The following SETD4 variants were observed in gnomAD, a reference collection of about 807,000 sequenced individuals.
SETD4 encodes SET domain containing 4.
In SETD4, 46 loss-of-function variants were observed where a neutral mutation model predicts 58.3. That is an observed-to-expected ratio of 0.79 (90% CI 0.62 to 1.01). The LOEUF is 1.01. SETD4 is among the 50% of genes least tolerant of loss of function. The pLI, the probability that SETD4 is intolerant of heterozygous loss-of-function variation, is 0.00. For synonymous variants in SETD4, 190 were observed against 202.6 expected (o/e 0.94, Z 0.53); for missense variants, 490 against 523.3 (o/e 0.94, Z 0.62).
chr21:36,051,194 T>A (rs766605936), intron 4 of SETD4: 2 of 1,603,704 alleles, frequency 1.2e-6, no homozygotes, highest in Admixed American at 3.3e-5. Flanking sequence ...CCACTGCCAG[T>A]GAGACTAGTG....
rs1477501415 is a variant in SETD4 at position 36,045,766 on chromosome 21, T to C, written c.542A>G (p.Gln181Arg). The part of the protein sequence containing the change: ...ASSRDFFSSL[Q>R]PLFAEAVDSI... ...GTCAACAGCCTCCGCAAACAGAGGC[T>C]GCAGAGAAGAGAAAAAGTCTCTGGA... The change falls in exon 6 of 12, where the codon CAG becomes CGG. Residue 181 changes from glutamine (Q) to arginine (R), a missense_variant. Coordinates refer to ENST00000332131, the MANE Select transcript of SETD4 (RefSeq NM_017438.5). The C allele has an allele frequency of 6.2e-7, 1 of 1,614,192 alleles. No homozygotes were observed.
Position 36,035,801 on chromosome 21 carries a change from T to G in SETD4, c.*192A>C. ...TCTCTCCTCACAGTTCAGCACTTTA[T>G]TCGGAAGAGCATTAGACCTGCCATC... is the stretch of plus-strand genomic sequence containing the variant. On this transcript the variant is annotated 3_prime_UTR_variant, in exon 12 of 12. Transcript: ENST00000332131. 1 of 357,186 alleles carries G rather than the reference T, an allele frequency of 2.8e-6. No homozygotes were observed. The highest frequency in any genetic ancestry group is 5.2e-6 in the Non-Finnish European group (1 of 192,814). 22.1% of individuals were successfully genotyped at this position (357,186 alleles called of 1,614,324 possible). A position where few individuals can be genotyped will look rare whatever the true frequency, so the allele number is the denominator to read the frequency against.
At chr21:36,057,254 G>T in intron 2 of SETD4, 50 bp from the exon 3 acceptor site, 1 of 1,330,672 alleles carries the variant, frequency 7.5e-7, no homozygotes, top group Admixed American at 1.7e-5. Flanking sequence ...TATATAATCG[G>T]ATTACCATTT....
In SETD4 at chr21:36,045,798, AAAG is replaced by A; in HGVS notation, c.507_509del (p.Phe170del). On this transcript the variant is annotated inframe_deletion, in exon 6 of 12. Transcript: ENST00000332131. ...AAGAGAAAAAGTCTCTGGAGGAAGCAAAGAACTCCTGCACGTGGGCTCTCTGCT... is the reference window on the plus strand; with the variant it reads ...AAGAGAAAAAGTCTCTGGAGGAAGCAAACTCCTGCACGTGGGCTCTCTGCT... The A allele has an allele frequency of 6.2e-7, 1 of 1,614,226 alleles. No individual in the cohort carries two copies. Among genetic ancestry groups the A allele is most frequent in the Non-Finnish European group, 8.5e-7 (1 of 1,180,044 alleles).
chr21:36,054,576 T>C (rs1008251131), intron 3 of SETD4, among the ~76,000 whole-genome samples: 2 of 152,216 alleles, frequency 1.3e-5, no homozygotes, highest in African/African-American at 4.8e-5. Context: ...AACTTGGATT[T>C]GATGCTCCCG....
rs188682205 is a variant in SETD4 at position 36,050,070 on chromosome 21, G to C, written c.208-1674C>G. On this transcript the variant is annotated intron_variant, in intron 4 of 11. Coordinates refer to ENST00000332131, the MANE Select transcript of SETD4 (RefSeq NM_017438.5). Reference sequence around the variant, plus strand: ...GTGGGCTGCTTCCACCTGCTAGGAGGGTGGTGCACTCTAACTCGGGGACAG... The same window carrying C: ...GTGGGCTGCTTCCACCTGCTAGGAGCGTGGTGCACTCTAACTCGGGGACAG... 2,377 of 589,470 alleles carry C rather than the reference G, an allele frequency of 4.0e-3. 6 individuals are homozygous for C. Among genetic ancestry groups the C allele is most frequent in the Non-Finnish European group, 6.1e-3 (2,011 of 328,286 alleles). The allele number at this position is 589,470 out of a possible 1,614,324, so 36.5% of individuals were successfully genotyped here.
In SETD4 at chr21:36,035,728, C is replaced by T; in HGVS notation, c.*265G>A. The T allele has an allele frequency of 3.9e-6, 1 of 255,816 alleles. No individual in the cohort carries two copies. Among genetic ancestry groups the T allele is most frequent in the South Asian group, 4.3e-5 (1 of 23,474 alleles). 15.8% of individuals were successfully genotyped at this position (255,816 alleles called of 1,614,324 possible). A position where few individuals can be genotyped will look rare whatever the true frequency, so the allele number is the denominator to read the frequency against. ...AGATAAGAAGCAGGCCCCGTGGTGA[C>T]AGACCACACACGGACGCAGCTGGCT... On this transcript the variant is annotated 3_prime_UTR_variant, in exon 12 of 12. Transcript: ENST00000332131.
chr21:36,056,600 C>G (rs759277765), intron 3 of SETD4, among the ~76,000 whole-genome samples: 1 of 152,172 alleles, frequency 6.6e-6, no homozygotes, highest in Non-Finnish European at 1.5e-5. Context: ...ACTCTATCGC[C>G]CAAGCTGGAG....
At chr21:36,044,460 C>T (rs1205375117) in intron 6 of SETD4, among the ~76,000 whole-genome samples, 1 of 152,208 alleles carries the variant, frequency 6.6e-6, no homozygotes, top group Non-Finnish European at 1.5e-5. Context: ...AAACTATAAA[C>T]TCATTGGTTT....
chr21:36,041,630 T>G (rs1415793528), intron 8 of SETD4, among the ~76,000 whole-genome samples, 177 bp downstream of exon 8: 1 of 152,212 alleles, frequency 6.6e-6, no homozygotes, highest in Non-Finnish European at 1.5e-5. Context: ...TGTCTTATAC[T>G]CCTTTTGTCC....
At chr21:36,047,623 T>C (rs957598675) in intron 5 of SETD4, among the ~76,000 whole-genome samples, 3 of 152,094 alleles carry the variant, frequency 2.0e-5, no homozygotes, top group African/African-American at 7.2e-5. Context: ...TAGTCAGTGA[T>C]GGATCGGGAT....
chr21:36,052,522 C>T lies in SETD4; in HGVS notation c.207+1061G>A, dbSNP rs149108932. ...GCAAGGAGCCGAGATCGCGCCACTG[C>T]ACTCCAGCCTGGGCAACAGAGCAAG... On this transcript the variant is annotated intron_variant, in intron 4 of 11. Coordinates refer to ENST00000332131, the MANE Select transcript of SETD4 (RefSeq NM_017438.5). 4.0e-3 allele frequency among the ~76,000 whole-genome samples: 573 copies of T among 144,562 alleles called. 4 individuals are homozygous for T. Among genetic ancestry groups the T allele is most frequent in the African/African-American group, 0.014 (551 of 38,984 alleles). 94.8% of individuals were successfully genotyped at this position (144,562 alleles called of 152,430 possible). A position where few individuals can be genotyped will look rare whatever the true frequency, so the allele number is the denominator to read the frequency against.
chr21:36,035,588 C>T lies in SETD4; in HGVS notation c.*405G>A, dbSNP rs188041454. 2.4e-5 allele frequency: 4 copies of T among 163,616 alleles called. No homozygotes were observed. The highest frequency in any genetic ancestry group is 3.1e-4 in the South Asian group (2 of 6,364). The allele number at this position is 163,616 out of a possible 1,614,324, so 10.1% of individuals were successfully genotyped here. A position where few individuals can be genotyped will look rare whatever the true frequency, so the allele number is the denominator to read the frequency against. On this transcript the variant is annotated 3_prime_UTR_variant, in exon 12 of 12. Transcript: ENST00000332131. ...AGGGCTGGCGTCTGGGCCACCCTGG[C>T]GGGGATCCAGGACTACCTCACACTG...
intron 5 of SETD4, among the ~76,000 whole-genome samples, chr21:36,047,986 C>A (rs1209382557): frequency 6.8e-6 from 1 of 146,530 alleles, no homozygotes; most frequent in African/African-American, 2.5e-5. Flanking sequence ...AGCCTGGCAA[C>A]AGGTGAGACT....
At chr21:36,044,105 C>T (rs918400423) in intron 6 of SETD4, 149 bp from the exon 7 acceptor site, 10 of 996,480 alleles carry the variant, frequency 1.0e-5, no homozygotes, top group South Asian at 1.7e-5. Flanking sequence ...ATGCCACTTC[C>T]GGTTTCATCC....
At chr21:36,050,605 C>G in intron 4 of SETD4, 1 of 1,612,546 alleles carries the variant, frequency 6.2e-7, no homozygotes, top group Non-Finnish European at 8.5e-7. Flanking sequence ...GTTCCTCTGC[C>G]GGATACTTTC....
intron 5 of SETD4, among the ~76,000 whole-genome samples, chr21:36,046,363 T>A (rs184881212): frequency 2.0e-5 from 3 of 152,322 alleles, no homozygotes; most frequent in African/African-American, 7.2e-5. Flanking sequence ...GTCTCACCTA[T>A]GTAAAGATAT....
At chr21:36,050,702 T>A (rs2064631047) in intron 4 of SETD4, 1 of 1,610,142 alleles carries the variant, frequency 6.2e-7, no homozygotes. Flanking sequence ...ATACGCGGGG[T>A]CATAGAGGTA....
chr21:36,057,388 G>A, intron 2 of SETD4, 184 bp from the exon 3 acceptor site: 1 of 722,378 alleles, frequency 1.4e-6, no homozygotes, highest in Non-Finnish European at 2.6e-6. Context: ...ACTCACTTCT[G>A]TATTCCCAGC....
Sources: gnomAD v4.1 joint callset for allele counts (sites outside exome capture counted in the v4.1 genomes callset) on GRCh38, gnomAD v4.1.1 for gene constraint, MANE v1.5 for transcripts, NCBI Gene and HGNC (gene_info 2026-07-23, HGNC 2026-07-21) for gene names.